Variants in PARD3B observed in about 807,000 individuals in gnomAD.
PARD3B encodes the protein par-3 family cell polarity regulator beta.
PARD3B carries 103 observed loss-of-function variants against 130.2 expected under a neutral mutation model. That is an observed-to-expected ratio of 0.79 (90% confidence interval 0.67 to 0.93). The LOEUF (loss-of-function observed/expected upper bound fraction) is 0.93. Ranked by LOEUF, PARD3B falls within the 40% of genes least tolerant of loss-of-function variation. The probability of loss-of-function intolerance (pLI) is 0.00; values close to 1 mark genes in which losing one functional copy is unlikely to be tolerated. For missense variants in PARD3B, 1,609 were observed against 1,499.2 expected, an observed-to-expected ratio of 1.07 and a Z score of -1.21; for synonymous variants, 583 against 553.2, an observed-to-expected ratio of 1.05 and a Z score of -0.76.
chr2:204,598,897 T>C (rs2033400799), intron 1 of PARD3B, among the ~76,000 whole-genome samples: 1 of 152,086 alleles, frequency 6.6e-6, no homozygotes, highest in African/African-American at 2.4e-5. Context: ...TCAATGCTGC[T>C]AATAGCTGTG....
intron 1 of PARD3B, among the ~76,000 whole-genome samples, chr2:204,560,583 G>C (rs2031243790): frequency 6.6e-6 from 1 of 151,878 alleles, no homozygotes; most frequent in Admixed American, 6.6e-5. Context: ...CATGAGGGAG[G>C]GGTGGGGGCA....
chr2:205,537,104 T>A (rs2051896887), intron 21 of PARD3B, among the ~76,000 whole-genome samples: 3 of 152,218 alleles, frequency 2.0e-5, no homozygotes, highest in Admixed American at 6.5e-5. Flanking sequence ...CTCTTAGGGA[T>A]GTTAAGAGTA....
At chr2:204,790,913 G>A (rs182147641) in intron 2 of PARD3B, among the ~76,000 whole-genome samples, 82 of 151,914 alleles carry the variant, frequency 5.4e-4, no homozygotes, top group African/African-American at 1.9e-3. Flanking sequence ...GAGACCAGCC[G>A]GGCCAACATG....
chr2:205,344,389 A>G lies in PARD3B; in HGVS notation c.2630+42688A>G, dbSNP rs1248147157. Among the ~76,000 whole-genome samples, 3 of 152,272 alleles carry G rather than the reference A, an allele frequency of 2.0e-5. No homozygotes were observed. In the East Asian group the frequency reaches 5.8e-4, roughly 29 times the overall value. On this transcript the variant is annotated intron_variant, in intron 18 of 22. Coordinates refer to ENST00000406610, the MANE Select transcript of PARD3B (RefSeq NM_001302769.2). ...GAGAAATGAGGTAAACAGGCATGAT[A>G]CTGGAGGGAGAGGGATGATAGATCA...
At chr2:204,915,841 T>C (rs2047421514) in intron 2 of PARD3B, among the ~76,000 whole-genome samples, 1 of 152,206 alleles carries the variant, frequency 6.6e-6, no homozygotes, top group African/African-American at 2.4e-5. Context: ...ACAAATAAAG[T>C]GTCTTTCGTA....
intron 18 of PARD3B, among the ~76,000 whole-genome samples, chr2:205,385,909 T>C (rs1365952775): frequency 6.6e-6 from 1 of 152,082 alleles, no homozygotes; most frequent in Non-Finnish European, 1.5e-5. Flanking sequence ...AGCCACAGAG[T>C]ATTAATTTTT....
intron 1 of PARD3B, among the ~76,000 whole-genome samples, chr2:204,592,575 A>T (rs2033122620): frequency 6.6e-6 from 1 of 152,222 alleles, no homozygotes; most frequent in African/African-American, 2.4e-5. Flanking sequence ...TATACTTTTT[A>T]AAATGATTTT....
intron 11 of PARD3B, among the ~76,000 whole-genome samples, chr2:205,169,931 C>T (rs12694017): frequency 0.33 from 47,234 of 141,968 alleles, 8,039 homozygotes; most frequent in Middle Eastern, 0.53. Flanking sequence ...TCCCCCCACC[C>T]TTTTTTTTTT....
intron 3 of PARD3B, among the ~76,000 whole-genome samples, chr2:205,026,114 C>T (rs745632847): frequency 6.6e-5 from 10 of 152,264 alleles, no homozygotes; most frequent in Non-Finnish European, 7.4e-5. Flanking sequence ...AAGAGTCTCT[C>T]TGATGGTAAC....
At chr2:205,500,249 C>G (rs2050110511) in intron 21 of PARD3B, among the ~76,000 whole-genome samples, 1 of 152,114 alleles carries the variant, frequency 6.6e-6, no homozygotes, top group African/African-American at 2.4e-5. Context: ...TCTGATTGCT[C>G]TCATACTTCC....
intron 22 of PARD3B, among the ~76,000 whole-genome samples, chr2:205,566,682 G>A (rs2053346814): frequency 6.6e-6 from 1 of 152,184 alleles, no homozygotes; most frequent in Non-Finnish European, 1.5e-5. Context: ...TGCAATGGCT[G>A]ATCCAGGATA....
chr2:205,284,722 T>C (rs1187771007), intron 16 of PARD3B, among the ~76,000 whole-genome samples: 2 of 152,180 alleles, frequency 1.3e-5, no homozygotes, highest in Non-Finnish European at 2.9e-5. Context: ...TCAAATGTAG[T>C]ATTTTTTTTT....
intron 1 of PARD3B, among the ~76,000 whole-genome samples, chr2:204,566,901 C>A (rs1221845320): frequency 6.9e-6 from 1 of 145,536 alleles, no homozygotes; most frequent in Non-Finnish European, 1.5e-5. Flanking sequence ...TTTTTTGAGA[C>A]GGAGTCTCGC....
intron 18 of PARD3B, among the ~76,000 whole-genome samples, chr2:205,365,105 C>T (rs2044552359): frequency 6.6e-6 from 1 of 150,576 alleles, no homozygotes; most frequent in African/African-American, 2.4e-5. Context: ...GAGGCTAAGG[C>T]AGGAGAATTG....
At chr2:205,441,125 A>T (rs904988410) in intron 20 of PARD3B, among the ~76,000 whole-genome samples, 7 of 152,166 alleles carry the variant, frequency 4.6e-5, no homozygotes, top group African/African-American at 1.7e-4. Flanking sequence ...GGGGCCTTTG[A>T]AAAGTAAGAT....
intron 2 of PARD3B, among the ~76,000 whole-genome samples, chr2:204,944,827 C>T (rs1689185028): frequency 6.6e-6 from 1 of 152,172 alleles, no homozygotes; most frequent in Non-Finnish European, 1.5e-5. Flanking sequence ...CCACCATGGC[C>T]TTCTCCCTTT....
At chr2:204,561,336 T>C (rs558257899) in intron 1 of PARD3B, among the ~76,000 whole-genome samples, 1 of 152,338 alleles carries the variant, frequency 6.6e-6, no homozygotes, top group East Asian at 1.9e-4. Flanking sequence ...TTTTAGACTT[T>C]GGTAGTCACA....
chr2:205,140,486 C>CTT (rs35408494), intron 10 of PARD3B, among the ~76,000 whole-genome samples: 5 of 117,484 alleles, frequency 4.3e-5, no homozygotes, highest in Admixed American at 9.3e-5. Context: ...AAGACCGTTC[C>CTT]TTTTTTTTTT....
intron 18 of PARD3B, among the ~76,000 whole-genome samples, chr2:205,389,147 A>C (rs1553501866): frequency 6.6e-6 from 1 of 152,068 alleles, no homozygotes; most frequent in African/African-American, 2.4e-5. Context: ...TTTTTTTCTA[A>C]GTTTATTGGT....
Sources: allele counts gnomAD v4.1 joint callset (sites outside exome capture counted in the v4.1 genomes callset), GRCh38; gene constraint gnomAD v4.1.1; transcripts MANE v1.5; gene names NCBI Gene and HGNC (gene_info 2026-07-23, HGNC 2026-07-21).